Variants in LPGAT1 observed in about 807,000 individuals in gnomAD.
LPGAT1 encodes the protein lysophosphatidylglycerol acyltransferase 1, also known as acyl-CoA:lysophosphatidylglycerol acyltransferase 1.
In LPGAT1, 11 loss-of-function variants were observed where a neutral mutation model predicts 47.5. The observed-to-expected ratio is 0.23, with a 90% CI of 0.15 to 0.38. The LOEUF (loss-of-function observed/expected upper bound fraction) is 0.38. LPGAT1 is among the 10% of genes least tolerant of loss of function. The pLI is 1.00. For missense variants in LPGAT1, 293 were observed against 439.0 expected (o/e 0.67, Z 2.97); for synonymous variants, 138 against 144.2 (o/e 0.96, Z 0.31).
In LPGAT1 at chr1:211,830,365, G is replaced by C. The variant is rs1321991816; in HGVS notation, c.-28+208C>G. On this transcript the variant is annotated intron_variant, in intron 1 of 7. Transcript: ENST00000366997. The surrounding 1 kb of genome is among the most constrained non-coding windows in gnomAD (Gnocchi z 5.9). ...GAGGGACGGCGGGGACTCAGAGGCC[G>C]GACCTGTCACCCGGGCGGGTCCCGG... 8.6e-7 allele frequency: 1 copy of C among 1,160,852 alleles called. No individual in the cohort carries two copies. Among genetic ancestry groups the C allele is most frequent in the Non-Finnish European group, 1.1e-6 (1 of 942,574 alleles). 71.9% of individuals were successfully genotyped at this position (1,160,852 alleles called of 1,614,324 possible).
rs544535353 is a variant in LPGAT1, at chr1:211,748,515, T to C, written c.*1384A>G. On this transcript the variant is annotated 3_prime_UTR_variant, in exon 8 of 8. Transcript: ENST00000366997. ...GCCTGGCCAACATGGTGAAACCCCA[T>C]CTCTACTAAAAATACAAAAATTAGC... The C allele has an allele frequency of 1.3e-5, 2 of 152,246 alleles. No individual in the cohort carries two copies. Among genetic ancestry groups the C allele is most frequent in the South Asian group, 2.1e-4 (1 of 4,824 alleles). The allele number at this position is 152,246 out of a possible 1,614,324, so 9.4% of individuals were successfully genotyped here.
At chr1:211,772,076 T>TAA (rs1430389562) in intron 6 of LPGAT1, among the ~76,000 whole-genome samples, 1 of 152,286 alleles carries the variant, frequency 6.6e-6, no homozygotes, top group African/African-American at 2.4e-5. Context: ...TAGGGTCCCA[T>TAA]TATTGTTGTT....
intron 2 of LPGAT1, among the ~76,000 whole-genome samples, chr1:211,803,259 G>C (rs1452262522): frequency 6.6e-6 from 1 of 152,158 alleles, no homozygotes; most frequent in Admixed American, 6.5e-5. Flanking sequence ...ATATTGGATG[G>C]TATGTTTCAC....
At chr1:211,796,441 G>T (rs916049627) in intron 2 of LPGAT1, among the ~76,000 whole-genome samples, 2 of 152,138 alleles carry the variant, frequency 1.3e-5, no homozygotes, top group Non-Finnish European at 2.9e-5. Flanking sequence ...ACAAGCTGAG[G>T]GACACCAAGG....
intron 6 of LPGAT1, among the ~76,000 whole-genome samples, chr1:211,762,857 C>T (rs1423511750): frequency 2.0e-5 from 3 of 152,150 alleles, no homozygotes; most frequent in Admixed American, 6.5e-5. Context: ...TGAATTTTTA[C>T]GTCAAGACTC....
intron 4 of LPGAT1, among the ~76,000 whole-genome samples, chr1:211,784,085 G>A (rs923976144): frequency 3.9e-5 from 6 of 152,150 alleles, no homozygotes; most frequent in South Asian, 2.1e-4. Context: ...TGGTGGGAAC[G>A]AGTATGGCAT....
At chr1:211,792,488 T>C (rs1187506596) in intron 3 of LPGAT1, 1 of 151,958 alleles carries the variant, frequency 6.6e-6, no homozygotes, top group Non-Finnish European at 1.5e-5. Flanking sequence ...TGAACTATAT[T>C]AACCTGCTTT....
At chr1:211,810,613 T>C (rs1332553742) in intron 2 of LPGAT1, among the ~76,000 whole-genome samples, 1 of 152,200 alleles carries the variant, frequency 6.6e-6, no homozygotes, top group Admixed American at 6.5e-5. Context: ...GTCAACTTTT[T>C]AATTGAGGTA....
intron 6 of LPGAT1, among the ~76,000 whole-genome samples, chr1:211,752,938 A>G (rs1316389751): frequency 1.3e-5 from 2 of 151,992 alleles, no homozygotes; most frequent in African/African-American, 4.8e-5. Flanking sequence ...CTATCTTTGT[A>G]GTATGAAAGC....
At position 211,787,728 on chromosome 1, in the gene LPGAT1, C is replaced by A; in HGVS notation, c.358-1G>T. The A allele has an allele frequency of 6.3e-7, 1 of 1,581,344 alleles. No homozygotes were observed. Among genetic ancestry groups the A allele is most frequent in the Non-Finnish European group, 8.6e-7 (1 of 1,159,274 alleles). Reference sequence around the variant, plus strand: ...TCAACCACATCATCTGAGCAACAACCTAAAATATTTAAAAGCAAGAAATAA... The same window carrying A: ...TCAACCACATCATCTGAGCAACAACATAAAATATTTAAAAGCAAGAAATAA... On this transcript the variant is annotated splice_acceptor_variant, in intron 3 of 7. Transcript: ENST00000366997. LOFTEE classifies it high-confidence loss of function.
intron 6 of LPGAT1, among the ~76,000 whole-genome samples, chr1:211,773,324 ATGTT>A (rs901815394): frequency 1.1e-4 from 16 of 152,280 alleles, no homozygotes; most frequent in Middle Eastern, 3.4e-3. Context: ...CAAAATGTTA[ATGTT>A]TGTTTACCCT....
intron 1 of LPGAT1, 104 bp from the exon 2 acceptor site, chr1:211,829,427 T>G (rs1399064191): frequency 6.7e-7 from 1 of 1,497,820 alleles, no homozygotes; most frequent in East Asian, 2.3e-5. Context: ...ACAGCGAGGG[T>G]CGAAGCTTTC....
intron 1 of LPGAT1, chr1:211,829,882 G>GA (rs987883849): frequency 2.1e-6 from 2 of 972,368 alleles, no homozygotes; most frequent in African/African-American, 1.8e-5. Context: ...TTTTTTTTAA[G>GA]AAAAAAAATG....
intron 3 of LPGAT1, among the ~76,000 whole-genome samples, chr1:211,788,393 A>C (rs530692490): frequency 1.3e-5 from 2 of 152,276 alleles, no homozygotes; most frequent in South Asian, 4.1e-4. Flanking sequence ...TTAAAAATTA[A>C]AACTACAGGC....
chr1:211,818,542 T>A (rs778050109), intron 2 of LPGAT1, among the ~76,000 whole-genome samples: 1 of 152,182 alleles, frequency 6.6e-6, no homozygotes, highest in Non-Finnish European at 1.5e-5. Flanking sequence ...ATAAAACAGA[T>A]CAGCTTCTGA....
At chr1:211,752,659 C>T (rs528769671) in intron 6 of LPGAT1, among the ~76,000 whole-genome samples, 3 of 151,110 alleles carry the variant, frequency 2.0e-5, no homozygotes, top group Non-Finnish European at 4.4e-5. Flanking sequence ...AAGAAAAAGA[C>T]CACCTTGCCC....
At chr1:211,753,270 T>C (rs765627557) in intron 6 of LPGAT1, among the ~76,000 whole-genome samples, 8 of 152,350 alleles carry the variant, frequency 5.3e-5, no homozygotes, top group East Asian at 1.9e-4. Flanking sequence ...ACAAACAGTA[T>C]TTGAAATCTT....
chr1:211,830,530 C>A lies in LPGAT1; in HGVS notation c.-28+43G>T. The A allele has an allele frequency of 9.0e-7, 1 of 1,111,262 alleles. No individual in the cohort carries two copies. The highest frequency in any genetic ancestry group is 4.4e-5 in the South Asian group (1 of 22,670). 68.8% of individuals were successfully genotyped at this position (1,111,262 alleles called of 1,614,324 possible). On this transcript the variant is annotated intron_variant, in intron 1 of 7. Coordinates refer to ENST00000366997, the MANE Select transcript of LPGAT1 (RefSeq NM_014873.3). The surrounding 1 kb of genome is among the most constrained non-coding windows in gnomAD (Gnocchi z 5.9). Reference sequence around the variant, plus strand: ...CCCCAGCGCCTCCCCTGGCCCGGCTCCGCTGCCGCTCTGGGGCCTGCGACC... The same window carrying A: ...CCCCAGCGCCTCCCCTGGCCCGGCTACGCTGCCGCTCTGGGGCCTGCGACC...
intron 2 of LPGAT1, among the ~76,000 whole-genome samples, chr1:211,808,724 T>C (rs966502618): frequency 1.3e-5 from 2 of 152,190 alleles, no homozygotes; most frequent in African/African-American, 2.4e-5. Flanking sequence ...TCTGGATATT[T>C]ACCCTGGAGC....
Sources: gnomAD v4.1 joint callset for allele counts (sites outside exome capture counted in the v4.1 genomes callset) on GRCh38, gnomAD v4.1.1 for gene constraint, Gnocchi (gnomAD v3.1) non-coding constraint, MANE v1.5 for transcripts, NCBI Gene and HGNC (gene_info 2026-07-23, HGNC 2026-07-21) for gene names.